PRKCQ: variants seen among roughly 807,000 people sequenced by gnomAD.
PRKCQ encodes the protein protein kinase C theta, also known as protein kinase C theta type.
Under a neutral mutation model 91.2 loss-of-function variants are expected in PRKCQ, and 41 were observed. The ratio of observed to expected loss-of-function variants is 0.45; its 90% confidence interval spans 0.35 to 0.58. The LOEUF is 0.58. Ranked by LOEUF, PRKCQ falls within the 20% of genes least tolerant of loss-of-function variation. The pLI is 0.00. For missense variants in PRKCQ, 673 were observed against 896.5 expected, an observed-to-expected ratio of 0.75 and a Z score of 3.18; for synonymous variants, 307 against 316.9, an observed-to-expected ratio of 0.97 and a Z score of 0.33.
At chr10:6,528,592 T>C (rs1564375705) in intron 1 of PRKCQ, among the ~76,000 whole-genome samples, 1 of 152,212 alleles carries the variant, frequency 6.6e-6, no homozygotes, top group Non-Finnish European at 1.5e-5. Context: ...CCTCTCCGTT[T>C]GTTCTAAGCA....
chr10:6,563,853 G>A (rs532579022), intron 1 of PRKCQ, among the ~76,000 whole-genome samples: 2 of 152,352 alleles, frequency 1.3e-5, no homozygotes, highest in South Asian at 4.1e-4. Flanking sequence ...TGCAGTTGGG[G>A]AGGGAGGAAG....
At chr10:6,454,108 A>G (rs1222385722) in intron 15 of PRKCQ, among the ~76,000 whole-genome samples, 1 of 152,292 alleles carries the variant, frequency 6.6e-6, no homozygotes, top group Middle Eastern at 3.4e-3. Flanking sequence ...GTTATTTTAA[A>G]CTATATATTA....
At chr10:6,408,433 C>A in the PRKCQ span, among the ~76,000 whole-genome samples, 1 of 152,236 alleles carries the variant, frequency 6.6e-6, no homozygotes, top group Non-Finnish European at 1.5e-5. Context: ...CAGCTCACTG[C>A]AACTTCTGCC....
At chr10:6,544,487 C>T (rs571123539) in intron 1 of PRKCQ, among the ~76,000 whole-genome samples, 1 of 152,256 alleles carries the variant, frequency 6.6e-6, no homozygotes, top group African/African-American at 2.4e-5. Flanking sequence ...AGGCCAAGGA[C>T]ATTGATAAAT....
intron 1 of PRKCQ, among the ~76,000 whole-genome samples, chr10:6,556,671 GT>G (rs869160876): frequency 6.6e-6 from 1 of 151,272 alleles, no homozygotes; most frequent in Admixed American, 6.6e-5. Flanking sequence ...TAAATTTTAT[GT>G]TTATTTTCAC....
In PRKCQ at chr10:6,462,223, C is replaced by T. The variant is rs1048446730; in HGVS notation, c.1508+80G>A. 2.7e-5 allele frequency: 36 copies of T among 1,312,224 alleles called. No homozygotes were observed. In the East Asian group the frequency reaches 8.1e-4, roughly 29 times the overall value. The allele number at this position is 1,312,224 out of a possible 1,614,324, so 81.3% of individuals were successfully genotyped here. A position where few individuals can be genotyped will look rare whatever the true frequency, so the allele number is the denominator to read the frequency against. ...CCAGGAAATCACATGGGCTGTCTCA[C>T]AGCACTCGGTGCAATGATTAAATTA... On this transcript the variant is annotated intron_variant, in intron 14 of 17. Transcript: ENST00000263125.
the PRKCQ span, among the ~76,000 whole-genome samples, chr10:6,403,680 G>A: frequency 3.3e-5 from 5 of 152,116 alleles, no homozygotes. Flanking sequence ...TCTTATTATT[G>A]TGTCTGAGCA....
At chr10:6,439,691 TTTC>T (rs1833871441) in intron 16 of PRKCQ, among the ~76,000 whole-genome samples, 1 of 103,010 alleles carries the variant, frequency 9.7e-6, no homozygotes, top group Admixed American at 9.0e-5. Flanking sequence ...TTAATAGAAT[TTTC>T]TTCTGTAGCT....
At chr10:6,418,545 A>G in the PRKCQ span, among the ~76,000 whole-genome samples, 1 of 151,900 alleles carries the variant, frequency 6.6e-6, no homozygotes, top group South Asian at 2.1e-4. Context: ...GACTTTCCCT[A>G]TCCTCACCCG....
At chr10:6,463,623 A>G (rs1564320041) in intron 13 of PRKCQ, among the ~76,000 whole-genome samples, 1 of 152,304 alleles carries the variant, frequency 6.6e-6, no homozygotes, top group East Asian at 1.9e-4. Flanking sequence ...TAAACCACTC[A>G]AAGTGTTCAT....
At position 6,539,170 on chromosome 10, in the gene PRKCQ, A is replaced by G. The variant is rs569560828; in HGVS notation, c.-9-24026T>C. Among the ~76,000 whole-genome samples the G allele has an allele frequency of 1.2e-4, 18 of 152,274 alleles. 1 individual carries two copies. The highest frequency in any genetic ancestry group is 3.9e-4 in the African/African-American group (16 of 41,548). ...CCCTACTTTCCTTTCTGTTGGCCCTAACATTCTGCCTCACTATATTTTCAC... is the reference window on the plus strand; with the variant it reads ...CCCTACTTTCCTTTCTGTTGGCCCTGACATTCTGCCTCACTATATTTTCAC... On this transcript the variant is annotated intron_variant, in intron 1 of 17. Transcript: ENST00000263125.
At chr10:6,499,896 C>T (rs1837811467) in intron 4 of PRKCQ, among the ~76,000 whole-genome samples, 1 of 152,154 alleles carries the variant, frequency 6.6e-6, no homozygotes, top group Non-Finnish European at 1.5e-5. Flanking sequence ...GAAACCTCCC[C>T]CAGGAATCCA....
chr10:6,496,956 T>C, intron 7 of PRKCQ, 79 bp downstream of exon 7: 1 of 1,292,916 alleles, frequency 7.7e-7, no homozygotes. Flanking sequence ...TCTGGCATTA[T>C]TCTGAAGAAT....
At chr10:6,534,008 A>T (rs966484454) in intron 1 of PRKCQ, among the ~76,000 whole-genome samples, 3 of 152,238 alleles carry the variant, frequency 2.0e-5, no homozygotes, top group Non-Finnish European at 4.4e-5. Context: ...AAACATTTCC[A>T]AACTATTTTA....
rs565734047 is a variant in PRKCQ at position 6,428,008 on chromosome 10, C to T, written c.*199G>A. 40 of 625,616 alleles carry T rather than the reference C, an allele frequency of 6.4e-5. No homozygotes were observed. Among genetic ancestry groups the T allele is most frequent in the Middle Eastern group, 4.4e-4 (1 of 2,296 alleles). 38.8% of individuals were successfully genotyped at this position (625,616 alleles called of 1,614,324 possible). On this transcript the variant is annotated 3_prime_UTR_variant, in exon 18 of 18. Coordinates refer to ENST00000263125, the MANE Select transcript of PRKCQ (RefSeq NM_006257.5). ...AGCGTCTGTGAGACATGTCAGGAGA[C>T]GAGACACACGGCATCGTCATTAGTG... is the stretch of plus-strand genomic sequence containing the variant.
In PRKCQ at chr10:6,576,345, T is replaced by C. The variant is rs1321279967; in HGVS notation, c.-10+3866A>G. 2.0e-5 allele frequency among the ~76,000 whole-genome samples: 3 copies of C among 152,194 alleles called. No homozygotes were observed. Among genetic ancestry groups the C allele is most frequent in the East Asian group, 3.9e-4 (2 of 5,190 alleles). ...GGATAAGCAAAATGTGGTATATCCA[T>C]AAATGGAATAGTATTCAGACTTAAA... On this transcript the variant is annotated intron_variant, in intron 1 of 17. Transcript: ENST00000263125. This position sits in a 1 kb window ranked among gnomAD's most constrained non-coding sequence, Gnocchi z 4.2.
rs200024939 is a variant in PRKCQ, at chr10:6,497,245, C to A, written c.549G>T (p.Leu183=). The A allele has an allele frequency of 6.2e-7, 1 of 1,614,010 alleles. No homozygotes were observed. The highest frequency in any genetic ancestry group is 1.3e-5 in the African/African-American group (1 of 74,910). The change falls in exon 6 of 18, where the codon CTG becomes CTT. Residue 183 remains leucine (L), a synonymous_variant. Coordinates refer to ENST00000263125, the MANE Select transcript of PRKCQ (RefSeq NM_006257.5). This position sits in a 1 kb window ranked among gnomAD's most constrained non-coding sequence, Gnocchi z 4.5. Reference sequence around the variant, plus strand: ...GTCGGCACTGGTAGCCCTGTTTGTTCAGGCCCCTGTAATAAAGCACACGCT... The same window carrying A: ...GTCGGCACTGGTAGCCCTGTTTGTTAAGGCCCCTGTAATAAAGCACACGCT... ...CSVCHEFVWG[L]NKQGYQCRQC...
At position 6,427,726 on chromosome 10, in the gene PRKCQ, G is replaced by T. The variant is rs1369694508; in HGVS notation, c.*481C>A. 6.2e-6 allele frequency: 1 copy of T among 162,206 alleles called. No homozygotes were observed. Among genetic ancestry groups the T allele is most frequent in the Non-Finnish European group, 1.4e-5 (1 of 73,616 alleles). 10.0% of individuals were successfully genotyped at this position (162,206 alleles called of 1,614,324 possible). A position where few individuals can be genotyped will look rare whatever the true frequency, so the allele number is the denominator to read the frequency against. On this transcript the variant is annotated 3_prime_UTR_variant, in exon 18 of 18. Transcript: ENST00000263125. ...CAGCCATTTACACATCCACAGATAG[G>T]AATAGAATAAAACGGGTTAGTGATT...
chr10:6,496,839 T>C (rs1430624414), intron 7 of PRKCQ, among the ~76,000 whole-genome samples, 196 bp downstream of exon 7: 1 of 152,206 alleles, frequency 6.6e-6, no homozygotes, highest in Non-Finnish European at 1.5e-5. Context: ...CAGGCCTGGC[T>C]AATTTCTAAT....
Sources: gnomAD v4.1 joint callset for allele counts (sites outside exome capture counted in the v4.1 genomes callset) on GRCh38, gnomAD v4.1.1 for gene constraint, Gnocchi (gnomAD v3.1) non-coding constraint, MANE v1.5 for transcripts, NCBI Gene and HGNC (gene_info 2026-07-23, HGNC 2026-07-21) for gene names.